The following MAP3K8 variants were observed in gnomAD, a reference collection of about 807,000 sequenced individuals.
MAP3K8 encodes the protein mitogen-activated protein kinase kinase kinase 8, also known as Ewing sarcoma transformant.
MAP3K8 carries 22 observed loss-of-function variants against 45.8 expected under a neutral mutation model. That is an observed-to-expected ratio of 0.48 (90% CI 0.34 to 0.69). The LOEUF (loss-of-function observed/expected upper bound fraction) is 0.69. MAP3K8 is among the 30% of genes least tolerant of loss of function. MAP3K8 has a pLI of 0.01. For synonymous variants in MAP3K8, 223 were observed against 214.3 expected (o/e 1.04, Z -0.36); for missense variants, 419 against 585.0 (o/e 0.72, Z 2.93).
Position 30,437,194 on chromosome 10 carries a change from G to A in MAP3K8, c.-236G>A. On this transcript the variant is annotated 5_prime_UTR_variant, in exon 2 of 9. Coordinates refer to ENST00000263056, the MANE Select transcript of MAP3K8 (RefSeq NM_005204.4). ...GTTTTAGATGCAATCTTCTTACCGC[G>A]AAGAAGCCAGGGGAATAGGTAGCCA... 3.0e-6 allele frequency: 3 copies of A among 985,032 alleles called. No homozygotes were observed. Among genetic ancestry groups the A allele is most frequent in the Admixed American group, 6.2e-5 (1 of 16,232 alleles). The allele number at this position is 985,032 out of a possible 1,614,324, so 61.0% of individuals were successfully genotyped here. A position where few individuals can be genotyped will look rare whatever the true frequency, so the allele number is the denominator to read the frequency against.
Position 30,459,511 on chromosome 10 carries a change from C to A in MAP3K8, c.1273+10C>A, listed in dbSNP as rs202068415. On this transcript the variant is annotated intron_variant, in intron 8 of 8. Coordinates refer to ENST00000263056, the MANE Select transcript of MAP3K8 (RefSeq NM_005204.4). ...CCTGAGAACATTGCTGGTAGGGACACCCTGCTGTGTGCCGCACACTTACTT... is the reference window on the plus strand; with the variant it reads ...CCTGAGAACATTGCTGGTAGGGACAACCTGCTGTGTGCCGCACACTTACTT... 5.0e-6 allele frequency: 8 copies of A among 1,612,948 alleles called. No individual in the cohort carries two copies. The highest frequency in any genetic ancestry group is 2.2e-5 in the East Asian group (1 of 44,876).
intron 1 of MAP3K8, among the ~76,000 whole-genome samples, chr10:30,436,583 A>G (rs543588563): frequency 1.4e-4 from 21 of 151,892 alleles, no homozygotes; most frequent in Admixed American, 3.9e-4. Context: ...AAAAACTAAC[A>G]TCTTGTCTTA....
chr10:30,457,979 C>T lies in MAP3K8; in HGVS notation c.874-105C>T, dbSNP rs1588795532. The T allele has an allele frequency of 1.3e-5, 12 of 930,538 alleles. No individual in the cohort carries two copies. In the East Asian group the frequency reaches 2.4e-4, roughly 18 times the overall value. The allele number at this position is 930,538 out of a possible 1,614,324, so 57.6% of individuals were successfully genotyped here. A position where few individuals can be genotyped will look rare whatever the true frequency, so the allele number is the denominator to read the frequency against. ...GTTCCTGGGGAATGCCTGCATTATT[C>T]TCCTAGTTTAAGGCAAATGAGCCAA... On this transcript the variant is annotated intron_variant, in intron 6 of 8. Transcript: ENST00000263056.
intron 2 of MAP3K8, among the ~76,000 whole-genome samples, chr10:30,438,514 G>A (rs1425630443): frequency 6.6e-6 from 1 of 152,192 alleles, no homozygotes; most frequent in South Asian, 2.1e-4. Context: ...TTGCAGGGAG[G>A]GTGCCACTTC....
chr10:30,450,883 A>T (rs534767822), intron 5 of MAP3K8, among the ~76,000 whole-genome samples: 2 of 151,376 alleles, frequency 1.3e-5, no homozygotes, highest in Non-Finnish European at 2.9e-5. Flanking sequence ...GGAATTGGAG[A>T]CCAGCCTGGC....
At chr10:30,435,697 C>T (rs1835889739) in intron 1 of MAP3K8, among the ~76,000 whole-genome samples, 1 of 152,146 alleles carries the variant, frequency 6.6e-6, no homozygotes, top group South Asian at 2.1e-4. Flanking sequence ...GGATTACAGG[C>T]GCCCGCCGCC....
rs535987651 is a variant in MAP3K8 at position 30,435,506 on chromosome 10, A to G, written c.-255+1128A>G. Among the ~76,000 whole-genome samples the G allele has an allele frequency of 7.2e-5, 11 of 152,294 alleles. No homozygotes were observed. In the South Asian group the frequency reaches 1.9e-3, roughly 26 times the overall value. On this transcript the variant is annotated intron_variant, in intron 1 of 8. Transcript: ENST00000263056. ...AAAACATAGTCAGAAATGTGCCCTGAGGGAGAATGTACTATTTTGGCACAC... is the reference window on the plus strand; with the variant it reads ...AAAACATAGTCAGAAATGTGCCCTGGGGGAGAATGTACTATTTTGGCACAC...
chr10:30,441,669 G>A (rs527576830), intron 3 of MAP3K8, among the ~76,000 whole-genome samples: 22 of 152,252 alleles, frequency 1.4e-4, no homozygotes, highest in Non-Finnish European at 1.9e-4. Flanking sequence ...GCTCTGGGGG[G>A]CTGCGGTTGA....
intron 3 of MAP3K8, among the ~76,000 whole-genome samples, chr10:30,442,250 C>T (rs1446351835): frequency 1.3e-5 from 2 of 152,174 alleles, no homozygotes; most frequent in African/African-American, 4.8e-5. Context: ...AGTGCACAGG[C>T]AGGATACTTT....
At chr10:30,453,793 C>G (rs1160600098) in intron 6 of MAP3K8, among the ~76,000 whole-genome samples, 1 of 150,632 alleles carries the variant, frequency 6.6e-6, no homozygotes, top group Non-Finnish European at 1.5e-5. Context: ...TTCGAAAGGC[C>G]AAGGAGGTGG....
chr10:30,447,181 A>G (rs74132440), intron 3 of MAP3K8, among the ~76,000 whole-genome samples: 64 of 152,336 alleles, frequency 4.2e-4, no homozygotes, highest in African/African-American at 1.5e-3. Flanking sequence ...CACAGTGCCT[A>G]GCACCTATTT....
At chr10:30,452,457 G>A (rs773769796) in intron 6 of MAP3K8, among the ~76,000 whole-genome samples, 1 of 150,044 alleles carries the variant, frequency 6.7e-6, no homozygotes, top group East Asian at 2.0e-4. Flanking sequence ...CAACAAGAGT[G>A]AAACTCCATC....
chr10:30,436,145 A>G (rs2132772585), intron 1 of MAP3K8, among the ~76,000 whole-genome samples: 1 of 152,344 alleles, frequency 6.6e-6, no homozygotes, highest in South Asian at 2.1e-4. Flanking sequence ...TTTTATGAGG[A>G]CTTTTATTGT....
chr10:30,452,781 C>G (rs1435656864), intron 6 of MAP3K8, among the ~76,000 whole-genome samples: 5 of 152,044 alleles, frequency 3.3e-5, no homozygotes, highest in African/African-American at 1.2e-4. Context: ...CTCCTGGGTT[C>G]AAGCGCTTCT....
intron 6 of MAP3K8, among the ~76,000 whole-genome samples, chr10:30,457,052 C>T (rs187529578): frequency 4.6e-5 from 7 of 151,968 alleles, no homozygotes; most frequent in Middle Eastern, 6.8e-3. Flanking sequence ...CCATTGCATT[C>T]CAGCCTGGGT....
intron 3 of MAP3K8, among the ~76,000 whole-genome samples, chr10:30,440,514 C>T (rs1836065995): frequency 6.6e-6 from 1 of 152,120 alleles, no homozygotes; most frequent in Non-Finnish European, 1.5e-5. Flanking sequence ...CATACTCAAC[C>T]ATAGCTCACA....
intron 6 of MAP3K8, among the ~76,000 whole-genome samples, chr10:30,453,794 A>G (rs985366958): frequency 7.9e-5 from 12 of 151,940 alleles, no homozygotes; most frequent in Admixed American, 7.2e-4. Flanking sequence ...TCGAAAGGCC[A>G]AGGAGGTGGG....
At chr10:30,446,343 T>C (rs759146043) in intron 3 of MAP3K8, among the ~76,000 whole-genome samples, 1 of 152,138 alleles carries the variant, frequency 6.6e-6, no homozygotes, top group Non-Finnish European at 1.5e-5. Flanking sequence ...GAGACCAGCC[T>C]GGCCAACATG....
In MAP3K8 at chr10:30,450,317, G is replaced by A. The variant is rs1836492559; in HGVS notation, c.564G>A (p.Glu188=). ...AAATCCAGGCTTGCTTCCGGCACGA[G>A]AACATCGCAGAGCTGTATGGCGCAG... ...DVEIQACFRH[E]NIAELYGAVL... is the part of the protein sequence containing the mutation. Residue 188 remains glutamate (E), a synonymous_variant, in exon 5 of 9, where the codon GAG becomes GAA. Coordinates refer to ENST00000263056, the MANE Select transcript of MAP3K8 (RefSeq NM_005204.4). The A allele has an allele frequency of 6.2e-7, 1 of 1,613,034 alleles. No homozygotes were observed. The highest frequency in any genetic ancestry group is 8.5e-7 in the Non-Finnish European group (1 of 1,179,106).
Sources: gnomAD v4.1 joint callset for allele counts (sites outside exome capture counted in the v4.1 genomes callset) on GRCh38, gnomAD v4.1.1 for gene constraint, MANE v1.5 for transcripts, NCBI Gene and HGNC (gene_info 2026-07-23, HGNC 2026-07-21) for gene names.